TIAM1: variants seen among roughly 807,000 people sequenced by gnomAD.
The protein encoded by TIAM1 is TIAM Rac1 associated GEF 1, also known as rho guanine nucleotide exchange factor TIAM1.
Under a neutral mutation model 163.5 loss-of-function variants are expected in TIAM1, and 65 were observed. The ratio of observed to expected loss-of-function variants is 0.40; its 90% CI spans 0.33 to 0.49. The LOEUF (loss-of-function observed/expected upper bound fraction) is 0.49, where lower values mean the gene tolerates loss of function less well. TIAM1 is among the 20% of genes least tolerant of loss of function. The pLI is 0.77. For synonymous variants in TIAM1, 833 were observed against 810.1 expected (o/e 1.03, Z -0.48); for missense variants, 1,789 against 2,044.7 (o/e 0.87, Z 2.41).
chr21:31,198,361 T>C (rs1809715081), intron 12 of TIAM1, among the ~76,000 whole-genome samples: 1 of 152,224 alleles, frequency 6.6e-6, no homozygotes, highest in African/African-American at 2.4e-5. Context: ...CAGGACAGCT[T>C]GGATCCTTTT....
At position 31,395,377 on chromosome 21, in the gene TIAM1, A is replaced by G. The variant is rs1278863349; in HGVS notation, c.-368-55955T>C. Among the ~76,000 whole-genome samples, 1 of 152,194 alleles carries G rather than the reference A, an allele frequency of 6.6e-6. No homozygotes were observed. The highest frequency in any genetic ancestry group is 2.4e-5 in the African/African-American group (1 of 41,460). On this transcript the variant is annotated intron_variant, in intron 2 of 28. Transcript: ENST00000286827. The surrounding 1 kb of genome is among the most constrained non-coding windows in gnomAD (Gnocchi z 7.5). The stretch of plus-strand genomic sequence containing the variant: ...AGATCACTGCTTGCCTCCAGAGAGA[A>G]GCAGTCCACTGGGGACACGGTGCCG...
intron 1 of TIAM1, among the ~76,000 whole-genome samples, chr21:31,482,354 G>A (rs575219419): frequency 1.4e-4 from 22 of 152,014 alleles, no homozygotes; most frequent in East Asian, 9.7e-4. Context: ...GTTTCACCAC[G>A]CTGTCCAGGC....
chr21:31,499,302 G>A (rs2046770266), intron 1 of TIAM1, among the ~76,000 whole-genome samples: 1 of 152,154 alleles, frequency 6.6e-6, no homozygotes, highest in Non-Finnish European at 1.5e-5. Context: ...GCTCACACCT[G>A]TAATCTCAGC....
chr21:31,183,818 C>T (rs773232582), intron 14 of TIAM1, among the ~76,000 whole-genome samples: 34 of 151,844 alleles, frequency 2.2e-4, no homozygotes, highest in Non-Finnish European at 4.0e-4. Context: ...CCTCAGCCTC[C>T]CAAGTAGCTG....
upstream of TIAM1, among the ~76,000 whole-genome samples, chr21:31,347,044 A>G (rs1346238249): frequency 6.6e-6 from 1 of 152,162 alleles, no homozygotes; most frequent in African/African-American, 2.4e-5. Flanking sequence ...TTAAAGCCAC[A>G]TATATGGTGG....
At chr21:31,480,543 C>A (rs747856769) in intron 1 of TIAM1, among the ~76,000 whole-genome samples, 1 of 152,146 alleles carries the variant, frequency 6.6e-6, no homozygotes, top group African/African-American at 2.4e-5. Context: ...ATAGCACAGA[C>A]AAGAAAGAAA....
intron 2 of TIAM1, among the ~76,000 whole-genome samples, chr21:31,432,467 C>T (rs1422041002): frequency 6.6e-6 from 1 of 152,168 alleles, no homozygotes; most frequent in Non-Finnish European, 1.5e-5. Flanking sequence ...AGTACCAAAG[C>T]GAGGAGCCAG....
chr21:31,435,492 A>G (rs1202757175), intron 2 of TIAM1, among the ~76,000 whole-genome samples: 1 of 152,222 alleles, frequency 6.6e-6, no homozygotes, highest in Non-Finnish European at 1.5e-5. Flanking sequence ...AATCATTCAT[A>G]CACGTTTGCT....
At chr21:31,401,324 C>A (rs1013672002) in intron 2 of TIAM1, among the ~76,000 whole-genome samples, 11 of 152,198 alleles carry the variant, frequency 7.2e-5, no homozygotes, top group African/African-American at 2.7e-4. Context: ...TAGACTCCAG[C>A]ACTTCTGTAC....
chr21:31,245,616 C>G lies in TIAM1; in HGVS notation c.1456G>C (p.Asp486His). Residue 486 changes from aspartate (D) to histidine (H), a missense_variant, in exon 6 of 28, where the codon GAC (aspartate) becomes CAC (histidine). Asp to His is a moderately conservative substitution (Grantham distance 81, BLOSUM62 -1). Around this residue, in one of 5 missense-constraint regions of TIAM1, gnomAD observed 456 missense variants for 586.6 expected, o/e 0.78. Transcript: ENST00000541036. ...GCGTGTTTGGGGATGCTGTTGTGGT[C>G]TATCCCAGACCTGCCGTCGCTCTCG... ...FYESDGRSGI[D>H]HNSIPKHAVW... The G allele has an allele frequency of 6.3e-7, 1 of 1,599,382 alleles. No individual in the cohort carries two copies. Among genetic ancestry groups the G allele is most frequent in the East Asian group, 2.3e-5 (1 of 43,748 alleles).
intron 1 of TIAM1, among the ~76,000 whole-genome samples, chr21:31,478,118 T>A (rs2147389196): frequency 6.6e-6 from 1 of 152,356 alleles, no homozygotes; most frequent in Non-Finnish European, 1.5e-5. Context: ...ATTGCTGGCC[T>A]TATTGAGCAG....
At chr21:31,214,022 AGTAAAAAGAGAAAGACAATAGGTTAGGC>A (rs1810945639) in intron 9 of TIAM1, among the ~76,000 whole-genome samples, 1 of 152,102 alleles carries the variant, frequency 6.6e-6, no homozygotes, top group South Asian at 2.1e-4. Context: ...TCCCAAAAAA[AGTAAAAAGAGAAAGACAATAGGTTAGGC>A]GTGGTGGCTC....
chr21:31,215,801 C>T (rs1259218845), intron 9 of TIAM1, among the ~76,000 whole-genome samples: 1 of 152,180 alleles, frequency 6.6e-6, no homozygotes, highest in African/African-American at 2.4e-5. Context: ...CAGTCTCACA[C>T]TCGCTTAGCA....
chr21:31,488,510 G>A (rs746711479), intron 1 of TIAM1, among the ~76,000 whole-genome samples: 2 of 152,218 alleles, frequency 1.3e-5, no homozygotes, highest in Non-Finnish European at 2.9e-5. Flanking sequence ...AGACATACAT[G>A]AGACTGGGTA....
intron 4 of TIAM1, among the ~76,000 whole-genome samples, chr21:31,265,323 T>A (rs2146810885): frequency 6.7e-6 from 1 of 148,876 alleles, no homozygotes; most frequent in African/African-American, 2.5e-5. Context: ...AAGCTGAGCA[T>A]CTTTATCCCC....
intron 2 of TIAM1, among the ~76,000 whole-genome samples, chr21:31,450,205 A>G (rs2044775297): frequency 6.6e-6 from 1 of 152,144 alleles, no homozygotes. Context: ...GTATCCTATC[A>G]TAACTGGAAT....
chr21:31,456,676 C>T (rs532687206), intron 2 of TIAM1, among the ~76,000 whole-genome samples: 31 of 152,186 alleles, frequency 2.0e-4, no homozygotes, highest in Non-Finnish European at 2.8e-4. Flanking sequence ...CACGATATAG[C>T]TTCAACTATT....
chr21:31,354,869 A>G (rs957243050), intron 2 of TIAM1, among the ~76,000 whole-genome samples: 9 of 152,164 alleles, frequency 5.9e-5, no homozygotes, highest in Non-Finnish European at 1.3e-4. Context: ...CCAGCTGACA[A>G]TCCTTGCTGT....
chr21:31,365,387 CTTTTTTT>C (rs772457613), intron 2 of TIAM1, among the ~76,000 whole-genome samples: 1 of 128,826 alleles, frequency 7.8e-6, no homozygotes, highest in African/African-American at 2.9e-5. Flanking sequence ...TTATTTCTTT[CTTTTTTT>C]TTTTTTTTTT....
Sources: allele counts gnomAD v4.1 joint callset (sites outside exome capture counted in the v4.1 genomes callset), GRCh38; gene constraint gnomAD v4.1.1; regional missense constraint gnomAD v4.1.1; non-coding constraint Gnocchi (gnomAD v3.1); transcripts MANE v1.5; gene names NCBI Gene and HGNC (gene_info 2026-07-23, HGNC 2026-07-21).